KIF5C: variants seen among roughly 807,000 people sequenced by gnomAD.
The protein encoded by KIF5C is kinesin family member 5C, also known as kinesin heavy chain isoform 5C.
Under a neutral mutation model 125.2 loss-of-function variants are expected in KIF5C, and 18 were observed. The ratio of observed to expected loss-of-function variants is 0.14; its 90% CI spans 0.10 to 0.21. The LOEUF (loss-of-function observed/expected upper bound fraction) is 0.21, where lower values mean the gene tolerates loss of function less well. Among genes scored for constraint, KIF5C ranks in the 10% least tolerant of loss-of-function variants. KIF5C has a pLI of 1.00. For missense variants in KIF5C, 780 were observed against 1,183.8 expected (o/e 0.66, Z 5.01); for synonymous variants, 405 against 434.0 (o/e 0.93, Z 0.83).
chr2:148,969,460 T>TGTGA (rs1482445374), intron 11 of KIF5C, among the ~76,000 whole-genome samples: 17 of 150,004 alleles, frequency 1.1e-4, no homozygotes, highest in African/African-American at 4.3e-4. Flanking sequence ...TGTGTGTGTG[T>TGTGA]GTATGTGTGT....
rs551070629 is a variant in KIF5C at position 148,998,805 on chromosome 2, G to A, written c.2210+296G>A. 83 of 271,170 alleles carry A rather than the reference G, an allele frequency of 3.1e-4. No individual in the cohort carries two copies. The East Asian group carries it at 4.7e-3, about 15-fold the overall frequency. The allele number at this position is 271,170 out of a possible 1,614,324, so 16.8% of individuals were successfully genotyped here. ...GGATGGACGCATGCCCCAGTAGATG[G>A]GGGGGAGCATCTGTAATGAAAGCAC... On this transcript the variant is annotated intron_variant, in intron 19 of 25. Transcript: ENST00000435030.
chr2:148,878,668 C>T (rs944443585), intron 1 of KIF5C: 2 of 152,176 alleles, frequency 1.3e-5, no homozygotes, highest in Non-Finnish European at 2.9e-5. Context: ...TGTATCATGC[C>T]ATATGCAATG....
intron 1 of KIF5C, among the ~76,000 whole-genome samples, chr2:148,899,885 C>A (rs1434320650): frequency 5.3e-5 from 8 of 152,024 alleles, no homozygotes; most frequent in Admixed American, 5.2e-4. Context: ...GTGTTCACAG[C>A]TGAATGTAGG....
chr2:149,000,304 C>A (rs1681811366), intron 19 of KIF5C, 119 bp from the exon 20 acceptor site: 7 of 1,272,946 alleles, frequency 5.5e-6, no homozygotes, highest in Middle Eastern at 3.9e-4. Context: ...CCAAATCCTG[C>A]AGAATTACTG....
chr2:148,975,982 G>A lies in KIF5C; in HGVS notation c.1293+2471G>A, dbSNP rs150174312. Among the ~76,000 whole-genome samples the A allele has an allele frequency of 4.8e-3, 729 of 152,240 alleles. 5 individuals are homozygous for A. Among genetic ancestry groups the A allele is most frequent in the South Asian group, 0.017 (81 of 4,828 alleles). ...CTTCCGTGTGTGGTGTGGAAGGGGT[G>A]GTGCCAAGGGGGCCACCAGCAGAGA... On this transcript the variant is annotated intron_variant, in intron 12 of 25. Coordinates refer to ENST00000435030, the MANE Select transcript of KIF5C (RefSeq NM_004522.3).
At chr2:148,880,274 C>G (rs1681309550) in intron 1 of KIF5C, among the ~76,000 whole-genome samples, 1 of 152,156 alleles carries the variant, frequency 6.6e-6, no homozygotes, top group South Asian at 2.1e-4. Context: ...GCGTGTGCCA[C>G]CACATTCAGC....
chr2:148,982,010 TG>T (rs1375757034), intron 14 of KIF5C, among the ~76,000 whole-genome samples: 1 of 152,240 alleles, frequency 6.6e-6, no homozygotes, highest in Non-Finnish European at 1.5e-5. Context: ...AGCACAGATC[TG>T]TGCATATGCT....
intron 3 of KIF5C, among the ~76,000 whole-genome samples, chr2:148,932,783 A>G (rs1245139898): frequency 7.2e-5 from 11 of 152,160 alleles, no homozygotes; most frequent in Admixed American, 7.2e-4. Context: ...TTTTGAACTA[A>G]TCTGTCTGAA....
At position 148,967,081 on chromosome 2, in the gene KIF5C, G is replaced by T. The variant is rs373576952; in HGVS notation, c.1117+4962G>T. Among the ~76,000 whole-genome samples the T allele has an allele frequency of 4.6e-5, 7 of 152,306 alleles. No individual in the cohort carries two copies. The East Asian group carries it at 1.2e-3, about 25-fold the overall frequency. On this transcript the variant is annotated intron_variant, in intron 11 of 25. Coordinates refer to ENST00000435030, the MANE Select transcript of KIF5C (RefSeq NM_004522.3). ...GTTGAACCTTGATTCTCAGAAGGCGGCTTGTGGCTCATATCACATATACTA... is the reference window on the plus strand; with the variant it reads ...GTTGAACCTTGATTCTCAGAAGGCGTCTTGTGGCTCATATCACATATACTA...
intron 22 of KIF5C, among the ~76,000 whole-genome samples, chr2:149,006,565 T>C (rs1234183181): frequency 6.6e-6 from 1 of 151,552 alleles, no homozygotes; most frequent in Non-Finnish European, 1.5e-5. Flanking sequence ...TATGGAAGAG[T>C]AGAAGGATTG....
At chr2:148,897,335 G>A (rs1448531981) in intron 1 of KIF5C, among the ~76,000 whole-genome samples, 1 of 152,076 alleles carries the variant, frequency 6.6e-6, no homozygotes, top group Non-Finnish European at 1.5e-5. Flanking sequence ...GCACATAGTA[G>A]ACTAGGGTTT....
intron 12 of KIF5C, among the ~76,000 whole-genome samples, chr2:148,975,620 G>T: frequency 6.6e-6 from 1 of 152,198 alleles, no homozygotes; most frequent in East Asian, 1.9e-4. Context: ...AAGACCACAC[G>T]GTTTCCTCCC....
chr2:148,936,012 A>G (rs1682282665), intron 3 of KIF5C, among the ~76,000 whole-genome samples: 1 of 152,192 alleles, frequency 6.6e-6, no homozygotes, highest in Admixed American at 6.5e-5. Context: ...AGACTGCCGG[A>G]CGTGGTGGCT....
At position 148,973,434 on chromosome 2, in the gene KIF5C, G is replaced by A. The variant is rs754656278; in HGVS notation, c.1216G>A (p.Val406Ile). The change falls in exon 12 of 26, where the codon GTT becomes ATT. Residue 406 changes from valine to isoleucine, a missense_variant. By Grantham distance (29) the Val-to-Ile change is conservative. Coordinates refer to ENST00000435030, the MANE Select transcript of KIF5C (RefSeq NM_004522.3). ...TPIIDNIAPVVAGISTEEKEK... is the reference protein window; with the variant it reads ...TPIIDNIAPVIAGISTEEKEK... ...CATCATAGACAATATTGCTCCTGTT[G>A]TTGCTGGCATCTCTACAGAGGAGAA... 1 of 1,613,740 alleles carries A rather than the reference G, an allele frequency of 6.2e-7. No individual in the cohort carries two copies. Among genetic ancestry groups the A allele is most frequent in the South Asian group, 1.1e-5 (1 of 91,040 alleles).
chr2:149,014,678 A>T (rs1439453848), intron 25 of KIF5C, among the ~76,000 whole-genome samples: 1 of 152,250 alleles, frequency 6.6e-6, no homozygotes, highest in South Asian at 2.1e-4. Flanking sequence ...CTAAGCCCAT[A>T]ACAATTGCTC....
chr2:149,005,532 T>A (rs771067471), intron 22 of KIF5C, 68 bp downstream of exon 22: 19 of 1,582,318 alleles, frequency 1.2e-5, no homozygotes, highest in Admixed American at 5.4e-5. Context: ...TCATTTTCAG[T>A]TGAAATATCA....
intron 19 of KIF5C, 115 bp downstream of exon 19, chr2:148,998,624 A>G (rs1396128342): frequency 2.7e-6 from 4 of 1,476,258 alleles, no homozygotes; most frequent in African/African-American, 1.4e-5. Context: ...CCCTGTGGGC[A>G]CTGCCCTGGT....
rs1026449111 is a variant in KIF5C, at chr2:148,903,640, A to T, written c.127-18497A>T. Among the ~76,000 whole-genome samples, 3 of 152,174 alleles carry T rather than the reference A, an allele frequency of 2.0e-5. 1 individual carries two copies. The highest frequency in any genetic ancestry group is 6.3e-3 in the Middle Eastern group (2 of 316). ...GTCCAGGTAGTGTTCCAAGTGTTTT[A>T]CATATATTGTTATTTCGTCCTCACA... On this transcript the variant is annotated intron_variant, in intron 1 of 25. Transcript: ENST00000435030.
At chr2:148,983,580 G>A (rs1681292924) in intron 14 of KIF5C, 40 bp from the exon 15 acceptor site, 3 of 1,516,176 alleles carry the variant, frequency 2.0e-6, no homozygotes, top group Non-Finnish European at 2.7e-6. Context: ...TGAAATTGAT[G>A]GGCAACCCTT....
Sources: gnomAD v4.1 joint callset for allele counts (sites outside exome capture counted in the v4.1 genomes callset) on GRCh38, gnomAD v4.1.1 for gene constraint, MANE v1.5 for transcripts, NCBI Gene and HGNC (gene_info 2026-07-23, HGNC 2026-07-21) for gene names.